Variants in SHTN1 observed in about 807,000 individuals in gnomAD.
SHTN1 encodes shootin 1.
In SHTN1, 42 loss-of-function variants were observed where a neutral mutation model predicts 83.1. The ratio of observed to expected loss-of-function variants is 0.51; its 90% CI spans 0.39 to 0.65. The LOEUF is 0.65. SHTN1 is among the 30% of genes least tolerant of loss of function. The pLI, the probability that SHTN1 is intolerant of heterozygous loss-of-function variation, is 0.00. For synonymous variants in SHTN1, 224 were observed against 247.7 expected (o/e 0.90, Z 0.90); for missense variants, 622 against 737.8 (o/e 0.84, Z 1.82).
chr10:117,110,613 G>A (rs886222117), intron 1 of SHTN1, among the ~76,000 whole-genome samples: 8 of 151,392 alleles, frequency 5.3e-5, no homozygotes, highest in Admixed American at 2.6e-4. Flanking sequence ...CACCCACCTC[G>A]GCCTCCCAAA....
upstream of SHTN1, among the ~76,000 whole-genome samples, chr10:117,009,782 T>C (rs11595292): frequency 6.6e-6 from 1 of 151,500 alleles, no homozygotes; most frequent in Admixed American, 6.6e-5. Context: ...CGGGCGCCTG[T>C]AGTCCCAGCT....
chr10:116,950,021 T>TA (rs1345730835), intron 6 of SHTN1, among the ~76,000 whole-genome samples: 1 of 152,210 alleles, frequency 6.6e-6, no homozygotes, highest in Non-Finnish European at 1.5e-5. Flanking sequence ...ACTGACATGA[T>TA]AAACACCAAG....
chr10:117,125,702 G>A (rs1853994081), intron 1 of SHTN1, among the ~76,000 whole-genome samples: 1 of 152,066 alleles, frequency 6.6e-6, no homozygotes, highest in South Asian at 2.1e-4. Context: ...GGGATGCCCT[G>A]GTTAAGAACC....
intron 2 of SHTN1, among the ~76,000 whole-genome samples, chr10:117,015,072 C>T (rs542892357): frequency 6.6e-6 from 1 of 152,116 alleles, no homozygotes; most frequent in South Asian, 2.1e-4. Context: ...AGTCTTAAAT[C>T]CTGAGGCATT....
At chr10:116,914,882 T>C (rs965123174) in intron 13 of SHTN1, among the ~76,000 whole-genome samples, 6 of 152,172 alleles carry the variant, frequency 3.9e-5, no homozygotes, top group African/African-American at 1.2e-4. Context: ...AAAACAATCA[T>C]ATAAGTCTCA....
Position 116,881,734 on chromosome 10 carries a change from G to T in SHTN1, c.*4610C>A. On this transcript the variant is annotated 3_prime_UTR_variant, in exon 17 of 17. Coordinates refer to ENST00000355371, the MANE Select transcript of SHTN1 (RefSeq NM_001127211.3). Reference sequence around the variant, plus strand: ...TAGTAGACCGGGAGGTCTGAAGTACGGCGCCGTGTCTCCACATGGAGTTTC... The same window carrying T: ...TAGTAGACCGGGAGGTCTGAAGTACTGCGCCGTGTCTCCACATGGAGTTTC... 8.0e-7 allele frequency: 1 copy of T among 1,243,940 alleles called. No homozygotes were observed. Among genetic ancestry groups the T allele is most frequent in the South Asian group, 2.6e-5 (1 of 37,836 alleles). The allele number at this position is 1,243,940 out of a possible 1,614,324, so 77.1% of individuals were successfully genotyped here. A position where few individuals can be genotyped will look rare whatever the true frequency, so the allele number is the denominator to read the frequency against.
intron 4 of SHTN1, 126 bp downstream of exon 4, chr10:116,960,010 T>G (rs1564899361): frequency 5.2e-6 from 3 of 575,170 alleles, no homozygotes; most frequent in Non-Finnish European, 9.3e-6. Flanking sequence ...TTTTAACATT[T>G]CCCTCATCAT....
chr10:117,034,666 A>G (rs1852470101), intron 2 of SHTN1, among the ~76,000 whole-genome samples: 1 of 152,080 alleles, frequency 6.6e-6, no homozygotes, highest in African/African-American at 2.4e-5. Context: ...AACATAGAAA[A>G]ATCAGTGGCA....
intron 1 of SHTN1, among the ~76,000 whole-genome samples, chr10:116,994,616 T>C (rs1377489010): frequency 6.6e-6 from 1 of 152,080 alleles, no homozygotes; most frequent in Non-Finnish European, 1.5e-5. Context: ...CTTTAGAAAA[T>C]TGAGTTAAAG....
At chr10:116,928,788 C>G (rs1474272823) in intron 10 of SHTN1, among the ~76,000 whole-genome samples, 1 of 152,186 alleles carries the variant, frequency 6.6e-6, no homozygotes, top group African/African-American at 2.4e-5. Flanking sequence ...CCTATCCCTC[C>G]AAGGGGAATC....
chr10:116,990,928 T>C (rs1410992899), intron 1 of SHTN1, among the ~76,000 whole-genome samples: 1 of 152,190 alleles, frequency 6.6e-6, no homozygotes, highest in Non-Finnish European at 1.5e-5. Context: ...GGCTCACACC[T>C]GCAATCTCAG....
chr10:116,985,473 C>G (rs997426485), intron 1 of SHTN1, among the ~76,000 whole-genome samples: 1 of 152,152 alleles, frequency 6.6e-6, no homozygotes, highest in African/African-American at 2.4e-5. Context: ...ACATCTTTAT[C>G]TATCCAGATT....
At chr10:117,035,769 A>G (rs1653390148) in intron 2 of SHTN1, among the ~76,000 whole-genome samples, 1 of 151,738 alleles carries the variant, frequency 6.6e-6, no homozygotes, top group African/African-American at 2.4e-5. Context: ...AACATGGAGA[A>G]ACCCCGTCTC....
chr10:116,905,718 C>G (rs1847942237), intron 15 of SHTN1, among the ~76,000 whole-genome samples: 1 of 152,144 alleles, frequency 6.6e-6, no homozygotes, highest in African/African-American at 2.4e-5. Context: ...CTACTTGAAG[C>G]TGACTGAACT....
chr10:117,014,140 C>T lies in SHTN1; in HGVS notation c.-123+34305G>A, dbSNP rs190795065. Among the ~76,000 whole-genome samples the T allele has an allele frequency of 2.2e-3, 334 of 151,758 alleles. 2 individuals are homozygous for T. Among genetic ancestry groups the T allele is most frequent in the African/African-American group, 7.5e-3 (312 of 41,372 alleles). On this transcript the variant is annotated intron_variant, in intron 2 of 17. Coordinates refer to the SHTN1 transcript ENST00000392901. ...GATCATGGCTACCAGGGGTTGAGGA[C>T]GAATGGAAGGGTTGAATATAAAGGG...
chr10:116,966,031 G>T (rs901817103), intron 3 of SHTN1, among the ~76,000 whole-genome samples: 1 of 151,530 alleles, frequency 6.6e-6, no homozygotes, highest in Non-Finnish European at 1.5e-5. Flanking sequence ...TTTTTGAGAC[G>T]GAGTCTCACC....
At chr10:117,082,494 G>GA (rs1311574490) in intron 1 of SHTN1, among the ~76,000 whole-genome samples, 2 of 151,800 alleles carry the variant, frequency 1.3e-5, no homozygotes, top group African/African-American at 2.4e-5. Flanking sequence ...GTGTGGTGCT[G>GA]AAAAAAATGT....
At chr10:117,033,086 A>G (rs1450149056) in intron 2 of SHTN1, among the ~76,000 whole-genome samples, 1 of 152,160 alleles carries the variant, frequency 6.6e-6, no homozygotes, top group Admixed American at 6.6e-5. Flanking sequence ...CCTACATCAA[A>G]AAAGAAGAAA....
chr10:117,037,953 C>T (rs1394296371), intron 2 of SHTN1, among the ~76,000 whole-genome samples: 2 of 127,798 alleles, frequency 1.6e-5, no homozygotes, highest in African/African-American at 3.0e-5. Flanking sequence ...TGCAGTGAGC[C>T]GAGATCATGC....
Sources: allele counts gnomAD v4.1 joint callset (sites outside exome capture counted in the v4.1 genomes callset), GRCh38; gene constraint gnomAD v4.1.1; transcripts MANE v1.5; gene names NCBI Gene and HGNC (gene_info 2026-07-23, HGNC 2026-07-21).